Variants in ITGA9 observed in about 807,000 individuals in gnomAD.
ITGA9 encodes integrin subunit alpha 9.
In ITGA9, 56 loss-of-function variants were observed where a neutral mutation model predicts 127.8. The ratio of observed to expected loss-of-function variants is 0.44; its 90% CI spans 0.35 to 0.55. The LOEUF (loss-of-function observed/expected upper bound fraction) is 0.55, where lower values mean the gene tolerates loss of function less well. ITGA9 is among the 20% of genes least tolerant of loss of function. The pLI, the probability that ITGA9 is intolerant of heterozygous loss-of-function variation, is 0.00. For synonymous variants in ITGA9, 508 were observed against 514.5 expected (o/e 0.99, Z 0.17); for missense variants, 1,196 against 1,347.1 (o/e 0.89, Z 1.76).
At chr3:37,671,915 T>C (rs1481028749) in intron 17 of ITGA9, among the ~76,000 whole-genome samples, 1 of 152,234 alleles carries the variant, frequency 6.6e-6, no homozygotes, top group Non-Finnish European at 1.5e-5. Context: ...ATATTATTGG[T>C]TTATGCAGTA....
chr3:37,452,167 C>T lies in ITGA9; in HGVS notation c.-208C>T, dbSNP rs1355952213. ...GACTTCTCGGGCGGACTGAGGACGC[C>T]GCCGCTCGGGGCCGCCCCTGTGCTC... is the stretch of plus-strand genomic sequence containing the variant. On this transcript the variant is annotated 5_prime_UTR_variant, in exon 1 of 28. Transcript: ENST00000264741. This position sits in a 1 kb window ranked among gnomAD's most constrained non-coding sequence, Gnocchi z 7.3. 1 of 153,620 alleles carries T rather than the reference C, an allele frequency of 6.5e-6. No individual in the cohort carries two copies. The highest frequency in any genetic ancestry group is 6.7e-5 in the Admixed American group (1 of 14,990). The allele number at this position is 153,620 out of a possible 1,614,324, so 9.5% of individuals were successfully genotyped here.
chr3:37,484,378 C>G (rs948690669), intron 4 of ITGA9, among the ~76,000 whole-genome samples: 2 of 152,102 alleles, frequency 1.3e-5, no homozygotes, highest in African/African-American at 4.8e-5. Flanking sequence ...AGTGAGAGGG[C>G]TCTTGTCTGT....
At chr3:37,780,042 CT>C (rs760503456) in intron 25 of ITGA9, 21 bp downstream of exon 25, 1 of 1,613,112 alleles carries the variant, frequency 6.2e-7, no homozygotes, top group South Asian at 1.1e-5. Flanking sequence ...ATGAACCGCA[CT>C]TGTGGATGCA....
In ITGA9 at chr3:37,462,527, G is replaced by T. The variant is rs1054433642; in HGVS notation, c.186-8480G>T. On this transcript the variant is annotated intron_variant, in intron 1 of 27. Transcript: ENST00000264741. ...AGAGAAGCCAAGTCACTTGTCCAAG[G>T]TTACCCAGCAAGTAAGTAAATTACA... Among the ~76,000 whole-genome samples, 3 of 152,250 alleles carry T rather than the reference G, an allele frequency of 2.0e-5. No homozygotes were observed. The South Asian group carries it at 6.2e-4, about 32-fold the overall frequency.
At chr3:37,515,974 C>T (rs1192639407) in intron 9 of ITGA9, among the ~76,000 whole-genome samples, 1 of 152,166 alleles carries the variant, frequency 6.6e-6, no homozygotes, top group African/African-American at 2.4e-5. Flanking sequence ...ACTGACATTC[C>T]AGGAAGTCAG....
chr3:37,524,611 A>G (rs73064711), intron 12 of ITGA9, among the ~76,000 whole-genome samples: 3,205 of 152,344 alleles, frequency 0.021, 48 homozygotes, highest in Non-Finnish European at 0.033. Context: ...AATACCTTAT[A>G]TGGGTTTAGC....
At chr3:37,793,395 CACACA>C (rs1697135922) in intron 26 of ITGA9, among the ~76,000 whole-genome samples, 1 of 93,250 alleles carries the variant, frequency 1.1e-5, no homozygotes, top group Non-Finnish European at 2.6e-5. Flanking sequence ...GGTCAACACA[CACACA>C]CACACACACA....
chr3:37,544,564 C>T (rs78316648), intron 15 of ITGA9, among the ~76,000 whole-genome samples: 5,825 of 152,268 alleles, frequency 0.038, 125 homozygotes, highest in Non-Finnish European at 0.051. Context: ...TTCACTCAAG[C>T]AAAACCTGGC....
chr3:37,804,974 C>G (rs1265302754), intron 27 of ITGA9, among the ~76,000 whole-genome samples: 1 of 152,060 alleles, frequency 6.6e-6, no homozygotes, highest in Non-Finnish European at 1.5e-5. Flanking sequence ...ATAACATCAA[C>G]TTATTTTTGA....
intron 26 of ITGA9, among the ~76,000 whole-genome samples, chr3:37,793,923 TG>T (rs2125558186): frequency 6.6e-6 from 1 of 152,196 alleles, no homozygotes; most frequent in East Asian, 1.9e-4. Context: ...AGTGAAGGCA[TG>T]ACAAACCTGG....
chr3:37,654,667 T>C (rs762606468), intron 17 of ITGA9, among the ~76,000 whole-genome samples: 2 of 152,192 alleles, frequency 1.3e-5, no homozygotes, highest in Non-Finnish European at 2.9e-5. Context: ...ATGAATATAC[T>C]ATTATGAACC....
intron 11 of ITGA9, among the ~76,000 whole-genome samples, chr3:37,521,924 A>G (rs933117802): frequency 5.9e-5 from 9 of 152,226 alleles, no homozygotes; most frequent in South Asian, 2.1e-4. Flanking sequence ...GTGCTTGGAC[A>G]TTTCCTGTTG....
At chr3:37,609,170 C>G (rs559289479) in intron 15 of ITGA9, among the ~76,000 whole-genome samples, 1 of 152,148 alleles carries the variant, frequency 6.6e-6, no homozygotes, top group Admixed American at 6.5e-5. Context: ...CTCACACAGT[C>G]ATTCTCCTCA....
At chr3:37,691,453 A>C (rs904482185) in intron 18 of ITGA9, among the ~76,000 whole-genome samples, 4 of 152,180 alleles carry the variant, frequency 2.6e-5, no homozygotes, top group African/African-American at 4.8e-5. Context: ...CTTCACCCAC[A>C]GGGCAGCAGG....
intron 23 of ITGA9, among the ~76,000 whole-genome samples, chr3:37,762,631 T>G (rs1696736164): frequency 6.6e-6 from 1 of 152,188 alleles, no homozygotes; most frequent in African/African-American, 2.4e-5. Flanking sequence ...TCTCTACAGG[T>G]GCAAAATTTC....
intron 17 of ITGA9, among the ~76,000 whole-genome samples, chr3:37,674,243 G>T (rs1700661706): frequency 6.6e-6 from 1 of 152,192 alleles, no homozygotes; most frequent in South Asian, 2.1e-4. Flanking sequence ...AGGGGACTTT[G>T]GAATAACTCT....
chr3:37,620,992 T>C (rs1263350998), intron 15 of ITGA9, among the ~76,000 whole-genome samples: 1 of 152,248 alleles, frequency 6.6e-6, no homozygotes, highest in Non-Finnish European at 1.5e-5. Context: ...GGTTTGGCTG[T>C]GTCCCCACCC....
At chr3:37,486,871 C>G (rs12634913) in intron 4 of ITGA9, among the ~76,000 whole-genome samples, 10,512 of 152,192 alleles carry the variant, frequency 0.069, 561 homozygotes, top group African/African-American at 0.15. Context: ...CCAAAGATTT[C>G]TGTACCACTC....
intron 17 of ITGA9, among the ~76,000 whole-genome samples, chr3:37,656,635 A>G (rs1202371725): frequency 6.6e-6 from 1 of 152,214 alleles, no homozygotes; most frequent in Non-Finnish European, 1.5e-5. Flanking sequence ...GTTGTCTGCA[A>G]ACAGAGACAA....
Sources: gnomAD v4.1 joint callset for allele counts (sites outside exome capture counted in the v4.1 genomes callset) on GRCh38, gnomAD v4.1.1 for gene constraint, Gnocchi (gnomAD v3.1) non-coding constraint, MANE v1.5 for transcripts, NCBI Gene and HGNC (gene_info 2026-07-23, HGNC 2026-07-21) for gene names.